IGSF21: variants seen among roughly 807,000 people sequenced by gnomAD.
IGSF21 encodes the protein immunoglobulin superfamily member 21.
A neutral mutation model predicts 46.8 loss-of-function variants in IGSF21; 28 were observed. That is an observed-to-expected ratio of 0.60 (90% CI 0.44 to 0.82). The LOEUF is 0.82. Ranked by LOEUF, IGSF21 falls within the 40% of genes least tolerant of loss-of-function variation. The pLI is 0.00. For missense variants in IGSF21, 624 were observed against 665.5 expected (o/e 0.94, Z 0.69); for synonymous variants, 284 against 273.6 (o/e 1.04, Z -0.38).
At chr1:18,265,229 T>G (rs543782021) in intron 2 of IGSF21, among the ~76,000 whole-genome samples, 1 of 152,198 alleles carries the variant, frequency 6.6e-6, no homozygotes, top group Non-Finnish European at 1.5e-5. Context: ...AATGCGTCAC[T>G]GCAGAAATAT....
chr1:18,283,011 G>A (rs1000426491), intron 2 of IGSF21, among the ~76,000 whole-genome samples: 6 of 152,154 alleles, frequency 3.9e-5, no homozygotes, highest in Non-Finnish European at 1.5e-5. Context: ...TTCACAGCAG[G>A]CTCACCCACG....
At chr1:18,213,343 A>C (rs532577591) in intron 1 of IGSF21, among the ~76,000 whole-genome samples, 1 of 152,256 alleles carries the variant, frequency 6.6e-6, no homozygotes, top group African/African-American at 2.4e-5. Context: ...ACACAGTGGT[A>C]TTTTATATCT....
intron 1 of IGSF21, among the ~76,000 whole-genome samples, chr1:18,148,325 G>A (rs150939774): frequency 0.039 from 5,961 of 151,922 alleles, 319 homozygotes; most frequent in African/African-American, 0.12. Flanking sequence ...GTAGAGATGG[G>A]GTTTCACCAT....
At chr1:18,364,294 TG>T (rs1169936607) in intron 5 of IGSF21, among the ~76,000 whole-genome samples, 1 of 151,894 alleles carries the variant, frequency 6.6e-6, no homozygotes, top group Non-Finnish European at 1.5e-5. Context: ...AGAAAATAAA[TG>T]GGGGAAAAAA....
intron 2 of IGSF21, among the ~76,000 whole-genome samples, chr1:18,273,170 A>G (rs919966302): frequency 5.3e-5 from 8 of 150,024 alleles, no homozygotes; most frequent in African/African-American, 2.0e-4. Flanking sequence ...CTCAGACAGT[A>G]GCTGGGATTA....
At chr1:18,350,682 C>T (rs1369217725) in intron 4 of IGSF21, among the ~76,000 whole-genome samples, 11 of 152,030 alleles carry the variant, frequency 7.2e-5, no homozygotes, top group Admixed American at 2.0e-4. Context: ...TCCCACAAAA[C>T]GCCCTTCTCT....
chr1:18,241,524 G>A (rs1356832117), intron 2 of IGSF21, among the ~76,000 whole-genome samples: 1 of 152,180 alleles, frequency 6.6e-6, no homozygotes, highest in Non-Finnish European at 1.5e-5. Context: ...TGACTACAAA[G>A]TTCAGCTCTT....
intron 3 of IGSF21, among the ~76,000 whole-genome samples, chr1:18,293,399 TTG>T (rs886882605): frequency 5.3e-5 from 8 of 152,096 alleles, no homozygotes; most frequent in Admixed American, 1.3e-4. Flanking sequence ...CTGCCTGCTT[TTG>T]TAAAAATGGG....
intron 2 of IGSF21, among the ~76,000 whole-genome samples, chr1:18,274,762 G>T (rs2085083236): frequency 6.6e-6 from 1 of 152,134 alleles, no homozygotes; most frequent in African/African-American, 2.4e-5. Flanking sequence ...ATGGTGGCTC[G>T]CACTTGTAAT....
intron 3 of IGSF21, among the ~76,000 whole-genome samples, chr1:18,301,390 A>G (rs1203787628): frequency 6.6e-6 from 1 of 152,172 alleles, no homozygotes; most frequent in East Asian, 1.9e-4. Flanking sequence ...CCCAGGCTGG[A>G]GTGCACTGGC....
intron 1 of IGSF21, among the ~76,000 whole-genome samples, chr1:18,163,398 G>A (rs898558415): frequency 3.3e-5 from 5 of 152,168 alleles, no homozygotes; most frequent in Admixed American, 2.0e-4. Context: ...AGAGGGTGGA[G>A]GGAGGAGTTA....
chr1:18,331,033 T>C (rs1314281420), intron 3 of IGSF21, among the ~76,000 whole-genome samples: 2 of 152,258 alleles, frequency 1.3e-5, no homozygotes, highest in Non-Finnish European at 2.9e-5. Flanking sequence ...TTGAAATATT[T>C]TTATCGAATT....
intron 3 of IGSF21, among the ~76,000 whole-genome samples, chr1:18,310,733 C>T (rs1440151892): frequency 6.6e-6 from 1 of 152,194 alleles, no homozygotes; most frequent in African/African-American, 2.4e-5. Flanking sequence ...TCACAGTTCT[C>T]AAGGCTAGAA....
At chr1:18,116,740 A>G (rs1276196456) in intron 1 of IGSF21, among the ~76,000 whole-genome samples, 5 of 152,246 alleles carry the variant, frequency 3.3e-5, no homozygotes, top group Non-Finnish European at 7.3e-5. Context: ...ACATGTAATC[A>G]AATGGCCAAT....
chr1:18,155,634 C>T (rs1433774699), intron 1 of IGSF21, among the ~76,000 whole-genome samples: 1 of 152,246 alleles, frequency 6.6e-6, no homozygotes, highest in Admixed American at 6.5e-5. Flanking sequence ...GACTCAGCCC[C>T]TCAACCAAGT....
intron 3 of IGSF21, among the ~76,000 whole-genome samples, chr1:18,324,607 G>A (rs2085639827): frequency 6.6e-6 from 1 of 152,228 alleles, no homozygotes; most frequent in Non-Finnish European, 1.5e-5. Context: ...ACCAGGACTA[G>A]CTGGTCACCC....
intron 4 of IGSF21, among the ~76,000 whole-genome samples, chr1:18,352,103 G>T (rs957705583): frequency 6.6e-6 from 1 of 152,180 alleles, no homozygotes; most frequent in Non-Finnish European, 1.5e-5. Context: ...TCCAATCAGC[G>T]TATAGGGCCA....
At chr1:18,240,801 G>A (rs1481580275) in intron 2 of IGSF21, among the ~76,000 whole-genome samples, 2 of 152,188 alleles carry the variant, frequency 1.3e-5, no homozygotes, top group African/African-American at 4.8e-5. Flanking sequence ...TGTCAAAACT[G>A]CAGTAGGAAG....
At chr1:18,208,629 C>T (rs535666149) in intron 1 of IGSF21, among the ~76,000 whole-genome samples, 1 of 147,034 alleles carries the variant, frequency 6.8e-6, no homozygotes, top group African/African-American at 2.5e-5. Flanking sequence ...GATCTCCTGA[C>T]CTCGTTATCC....
Sources: allele counts gnomAD v4.1 joint callset (sites outside exome capture counted in the v4.1 genomes callset), GRCh38; gene constraint gnomAD v4.1.1; transcripts MANE v1.5; gene names NCBI Gene and HGNC (gene_info 2026-07-23, HGNC 2026-07-21).